Variants in ALK observed in about 807,000 individuals in gnomAD.
ALK encodes ALK tyrosine kinase receptor.
ALK carries 74 observed loss-of-function variants against 163.1 expected under a neutral mutation model. That is an observed-to-expected ratio of 0.45 (90% confidence interval 0.38 to 0.55). The LOEUF is 0.55. Among genes scored for constraint, ALK ranks in the 20% least tolerant of loss-of-function variants. The pLI is 0.00. For synonymous variants in ALK, 960 were observed against 843.2 expected, an observed-to-expected ratio of 1.14 and a Z score of -2.40; for missense variants, 2,063 against 2,105.3, an observed-to-expected ratio of 0.98 and a Z score of 0.39.
intron 1 of ALK, among the ~76,000 whole-genome samples, chr2:29,898,305 T>A (rs1477785762): frequency 6.6e-6 from 1 of 152,224 alleles, no homozygotes; most frequent in African/African-American, 2.4e-5. Flanking sequence ...AAAGGGTTTG[T>A]TTGAAACTGA....
At chr2:29,612,081 G>A (rs957948340) in intron 3 of ALK, among the ~76,000 whole-genome samples, 2 of 152,072 alleles carry the variant, frequency 1.3e-5, no homozygotes, top group Admixed American at 6.5e-5. Context: ...GGAAGTGGCC[G>A]ACTTGGGACT....
chr2:29,804,662 G>A (rs575192548), intron 1 of ALK, among the ~76,000 whole-genome samples: 14 of 152,222 alleles, frequency 9.2e-5, no homozygotes, highest in African/African-American at 3.1e-4. Context: ...GGCTGGCGTC[G>A]CAGCCCATTA....
chr2:29,587,053 C>G (rs1420735751), intron 3 of ALK, among the ~76,000 whole-genome samples: 2 of 152,202 alleles, frequency 1.3e-5, no homozygotes, highest in Non-Finnish European at 2.9e-5. Context: ...ACCAACACCT[C>G]CCTACTCTTG....
chr2:29,291,323 C>T (rs942097742), intron 9 of ALK, among the ~76,000 whole-genome samples: 1 of 151,924 alleles, frequency 6.6e-6, no homozygotes, highest in African/African-American at 2.4e-5. Context: ...GTGATCATGC[C>T]ACTGCACTCC....
At chr2:29,198,136 A>G (rs1452035083) in intron 26 of ALK, among the ~76,000 whole-genome samples, 1 of 152,140 alleles carries the variant, frequency 6.6e-6, no homozygotes, top group Non-Finnish European at 1.5e-5. Context: ...ATCTTTGTGC[A>G]TTTTTTAAAA....
intron 4 of ALK, among the ~76,000 whole-genome samples, chr2:29,509,856 G>A (rs1465887701): frequency 6.6e-6 from 1 of 152,164 alleles, no homozygotes; most frequent in African/African-American, 2.4e-5. Flanking sequence ...AGCTAGAGAG[G>A]GGGCTTTATT....
intron 1 of ALK, among the ~76,000 whole-genome samples, chr2:29,725,361 C>T (rs114897382): frequency 0.022 from 3,295 of 152,122 alleles, 121 homozygotes; most frequent in African/African-American, 0.074. Flanking sequence ...CCTTCTCCAC[C>T]CCCTGCTTTC....
chr2:29,313,746 G>A (rs1167520571), intron 8 of ALK, among the ~76,000 whole-genome samples: 2 of 152,086 alleles, frequency 1.3e-5, no homozygotes, highest in East Asian at 1.9e-4. Flanking sequence ...TCTGGAAAAC[G>A]AGTTGAATTC....
intron 1 of ALK, among the ~76,000 whole-genome samples, chr2:29,910,081 T>C (rs1558544583): frequency 6.6e-6 from 1 of 151,422 alleles, no homozygotes; most frequent in Non-Finnish European, 1.5e-5. Context: ...ATAGAAATGA[T>C]AGAAATACTA....
At chr2:29,340,468 G>C (rs1667756495) in intron 5 of ALK, among the ~76,000 whole-genome samples, 1 of 152,134 alleles carries the variant, frequency 6.6e-6, no homozygotes, top group South Asian at 2.1e-4. Context: ...CCCTCTTAAA[G>C]CTACGCAGGA....
chr2:29,903,848 C>T (rs1477996783), intron 1 of ALK, among the ~76,000 whole-genome samples: 1 of 151,978 alleles, frequency 6.6e-6, no homozygotes, highest in Admixed American at 6.6e-5. Context: ...TCTAACGGAC[C>T]CTGCAACTGT....
At chr2:29,396,286 C>T (rs1240896829) in intron 4 of ALK, among the ~76,000 whole-genome samples, 2 of 152,180 alleles carry the variant, frequency 1.3e-5, no homozygotes, top group African/African-American at 4.8e-5. Context: ...GTCTAATCCT[C>T]TAATATGGCA....
rs536505877 is a variant in ALK, at chr2:29,426,927, A to G, written c.1155-43068T>C. 2.0e-5 allele frequency among the ~76,000 whole-genome samples: 3 copies of G among 150,256 alleles called. No homozygotes were observed. The South Asian group carries it at 6.3e-4, about 32-fold the overall frequency. ...GTGGGGTGCGCCTGTAGTCCCAGCT[A>G]CTCAGAAGGCTGAGGCAGGAGAATC... On this transcript the variant is annotated intron_variant, in intron 4 of 28. Coordinates refer to ENST00000389048, the MANE Select transcript of ALK (RefSeq NM_004304.5).
chr2:29,465,204 G>A (rs1357171611), intron 4 of ALK, among the ~76,000 whole-genome samples: 1 of 152,050 alleles, frequency 6.6e-6, no homozygotes, highest in Non-Finnish European at 1.5e-5. Context: ...AATATATGCA[G>A]AGACCAAATA....
In ALK at chr2:29,436,090, A is replaced by C. The variant is rs116759490; in HGVS notation, c.1155-52231T>G. ...GATACTGGAATTTAAGTATCATTCC[A>C]GTATCATTTTAAGATTTGGGTCTTT... On this transcript the variant is annotated intron_variant, in intron 4 of 28. Transcript: ENST00000389048. Among the ~76,000 whole-genome samples, 632 of 152,288 alleles carry C rather than the reference A, an allele frequency of 4.2e-3. 8 individuals are homozygous for C. Among genetic ancestry groups the C allele is most frequent in the African/African-American group, 0.013 (528 of 41,566 alleles).
At chr2:29,917,092 G>A (rs867514526) in intron 1 of ALK, among the ~76,000 whole-genome samples, 12 of 152,120 alleles carry the variant, frequency 7.9e-5, no homozygotes, top group African/African-American at 2.4e-4. Context: ...GCAATGCAAC[G>A]GTTTTGCTTT....
Position 29,409,912 on chromosome 2 carries a change from T to C in ALK, c.1155-26053A>G, listed in dbSNP as rs558059634. Among the ~76,000 whole-genome samples, 427 of 152,302 alleles carry C rather than the reference T, an allele frequency of 2.8e-3. 2 individuals carry two copies. The highest frequency in any genetic ancestry group is 0.011 in the South Asian group (55 of 4,824). On this transcript the variant is annotated intron_variant, in intron 4 of 28. Coordinates refer to ENST00000389048, the MANE Select transcript of ALK (RefSeq NM_004304.5). ...TGCACTCTGTGTGCCCTGTTGGCTGTTCATCTTTTCTCTGCTTGGACCTTG... is the reference window on the plus strand; with the variant it reads ...TGCACTCTGTGTGCCCTGTTGGCTGCTCATCTTTTCTCTGCTTGGACCTTG...
chr2:29,583,240 A>G (rs1674778770), intron 3 of ALK, among the ~76,000 whole-genome samples: 1 of 152,024 alleles, frequency 6.6e-6, no homozygotes, highest in Non-Finnish European at 1.5e-5. Context: ...TTCTGCTGTT[A>G]TTTACATAAT....
chr2:29,867,791 G>A (rs1666474628), intron 1 of ALK, among the ~76,000 whole-genome samples: 1 of 152,164 alleles, frequency 6.6e-6, no homozygotes, highest in Non-Finnish European at 1.5e-5. Context: ...ATCTGCAAAT[G>A]GGATCCCCTA....
Sources: allele counts gnomAD v4.1 joint callset (sites outside exome capture counted in the v4.1 genomes callset), GRCh38; gene constraint gnomAD v4.1.1; transcripts MANE v1.5; gene names NCBI Gene and HGNC (gene_info 2026-07-23, HGNC 2026-07-21).